The following COL15A1 variants were observed in gnomAD, a reference collection of about 807,000 sequenced individuals.
The protein encoded by COL15A1 is collagen alpha-1(XV) chain.
In COL15A1, 111 loss-of-function variants were observed where a neutral mutation model predicts 165.9. That is an observed-to-expected ratio of 0.67 (90% CI 0.57 to 0.78). The LOEUF (loss-of-function observed/expected upper bound fraction) is 0.78. COL15A1 is among the 30% of genes least tolerant of loss of function. The probability of loss-of-function intolerance (pLI) is 0.00; values close to 1 mark genes in which losing one functional copy is unlikely to be tolerated. For missense variants in COL15A1, 1,745 were observed against 1,789.7 expected (o/e 0.98, Z 0.45); for synonymous variants, 659 against 674.8 (o/e 0.98, Z 0.36).
At chr9:98,996,823 G>T in intron 5 of COL15A1, 111 bp from the exon 6 acceptor site, 1 of 1,498,304 alleles carries the variant, frequency 6.7e-7, no homozygotes, top group Non-Finnish European at 9.1e-7. Flanking sequence ...CTTTCCCCTT[G>T]GTTTATTCAG....
intron 21 of COL15A1, 120 bp downstream of exon 21, chr9:99,036,516 T>G: frequency 1.0e-6 from 1 of 962,014 alleles, no homozygotes; most frequent in South Asian, 1.6e-5. Context: ...CAGTGCCTGG[T>G]GTTAGAACTT....
chr9:98,995,299 A>G (rs1433272176), intron 5 of COL15A1, among the ~76,000 whole-genome samples: 1 of 151,902 alleles, frequency 6.6e-6, no homozygotes, highest in Non-Finnish European at 1.5e-5. Flanking sequence ...GTCTGCTCCC[A>G]CTGCTGCCCT....
At position 98,980,745 on chromosome 9, in the gene COL15A1, T is replaced by C. The variant is rs570092153; in HGVS notation, c.101-4820T>C. Among the ~76,000 whole-genome samples, 8 of 152,368 alleles carry C rather than the reference T, an allele frequency of 5.3e-5. No homozygotes were observed. The South Asian group carries it at 1.4e-3, about 28-fold the overall frequency. ...TTCATAAAAATTGTATGAAATATTT[T>C]CCATGAAATTTGCTATAAAGAAAAA... On this transcript the variant is annotated intron_variant, in intron 2 of 41. Transcript: ENST00000375001.
chr9:98,992,639 G>A (rs112479635), intron 5 of COL15A1, among the ~76,000 whole-genome samples: 19 of 152,384 alleles, frequency 1.2e-4, no homozygotes, highest in African/African-American at 3.1e-4. Flanking sequence ...AGCGAGGGCC[G>A]CCAGCACGTT....
At chr9:98,944,526 G>C (rs770192792) in intron 2 of COL15A1, among the ~76,000 whole-genome samples, 4 of 152,196 alleles carry the variant, frequency 2.6e-5, no homozygotes, top group Non-Finnish European at 4.4e-5. Flanking sequence ...CTTAGGCAGA[G>C]AGGGACTTCA....
intron 7 of COL15A1, among the ~76,000 whole-genome samples, chr9:99,001,925 T>C (rs1447740034): frequency 6.6e-6 from 1 of 152,204 alleles, no homozygotes; most frequent in Non-Finnish European, 1.5e-5. Context: ...TTGTAACTTC[T>C]GCCCGGGCTT....
At chr9:99,007,559 G>T (rs1262826056) in intron 9 of COL15A1, among the ~76,000 whole-genome samples, 3 of 152,152 alleles carry the variant, frequency 2.0e-5, no homozygotes, top group Non-Finnish European at 4.4e-5. Flanking sequence ...TTATCAGGCT[G>T]TGAAGTCTCA....
At chr9:99,047,743 G>A (rs1312368930) in intron 26 of COL15A1, 43 bp from the exon 27 acceptor site, 1 of 1,606,538 alleles carries the variant, frequency 6.2e-7, no homozygotes, top group Non-Finnish European at 8.5e-7. Context: ...CCTGAACCAA[G>A]ACTTTCTGTT....
chr9:99,055,344 C>G lies in COL15A1; in HGVS notation c.3164C>G (p.Pro1055Arg). Residue 1055 changes from proline (P) to arginine (R), a missense_variant, in exon 34 of 42, where the codon CCA becomes CGA. By Grantham distance (103) the Pro-to-Arg change is moderately radical (BLOSUM62 -2). Transcript: ENST00000375001. ...GGCAGCTTCCTTATGTCTGGGCCTC[C>G]AGGCCTGCCCGGAAATCCAGGCCCG... The part of the protein sequence containing the change: ...INGSFLMSGP[P>R]GLPGNPGPAG... 1 of 1,613,484 alleles carries G rather than the reference C, an allele frequency of 6.2e-7. No individual in the cohort carries two copies. The highest frequency in any genetic ancestry group is 8.5e-7 in the Non-Finnish European group (1 of 1,179,400).
rs532016014 is a variant in COL15A1, at chr9:99,003,239, G to A, written c.1066-214G>A. Among the ~76,000 whole-genome samples the A allele has an allele frequency of 2.6e-5, 4 of 152,376 alleles. No homozygotes were observed. In the East Asian group the frequency reaches 5.8e-4, roughly 22 times the overall value. On this transcript the variant is annotated intron_variant, in intron 7 of 41. Coordinates refer to ENST00000375001, the MANE Select transcript of COL15A1 (RefSeq NM_001855.5). ...CAGTGATTTCCGTGTTAATGGAGGTGCAAACCAATACTGGGAATCAAACAC... is the reference window on the plus strand; with the variant it reads ...CAGTGATTTCCGTGTTAATGGAGGTACAAACCAATACTGGGAATCAAACAC...
chr9:99,006,892 G>A (rs2118964095), intron 9 of COL15A1, among the ~76,000 whole-genome samples: 1 of 152,344 alleles, frequency 6.6e-6, no homozygotes, highest in South Asian at 2.1e-4. Context: ...TTTGAAACAA[G>A]TCTCAGTCAA....
Position 99,044,584 on chromosome 9 carries a change from C to T in COL15A1, c.2591C>T (p.Pro864Leu), listed in dbSNP as rs140219439. The T allele has an allele frequency of 6.5e-5, 105 of 1,614,026 alleles. No homozygotes were observed. Among genetic ancestry groups the T allele is most frequent in the East Asian group, 1.3e-4 (6 of 44,868 alleles). ...LKGEQGEKGE[P>L]GAILTEDIPL... ...GAATTGCAGGGCGAGAAGGGAGAGCCGGGTGCCATCCTGACAGAGGACATT... is the reference window on the plus strand; with the variant it reads ...GAATTGCAGGGCGAGAAGGGAGAGCTGGGTGCCATCCTGACAGAGGACATT... The change falls in exon 25 of 42, where the codon CCG becomes CTG. Residue 864 changes from proline to leucine, a missense_variant. Transcript: ENST00000375001.
chr9:98,975,078 C>T (rs572216982), intron 2 of COL15A1, among the ~76,000 whole-genome samples: 6 of 152,342 alleles, frequency 3.9e-5, no homozygotes, highest in African/African-American at 1.2e-4. Flanking sequence ...GCGCAGTTCC[C>T]GTAGAGACCG....
intron 2 of COL15A1, among the ~76,000 whole-genome samples, chr9:98,974,791 G>T (rs1382124912): frequency 1.3e-5 from 2 of 152,208 alleles, no homozygotes; most frequent in Non-Finnish European, 2.9e-5. Flanking sequence ...CCGTGGCCCC[G>T]TTTAAGCTGA....
intron 2 of COL15A1, among the ~76,000 whole-genome samples, chr9:98,981,146 A>C (rs1838230524): frequency 1.3e-5 from 2 of 152,144 alleles, no homozygotes; most frequent in Admixed American, 1.3e-4. Flanking sequence ...TATACCATAG[A>C]GTACTGTTGT....
chr9:98,965,848 T>A (rs1291635468), intron 2 of COL15A1, among the ~76,000 whole-genome samples: 2 of 152,184 alleles, frequency 1.3e-5, no homozygotes, highest in Non-Finnish European at 2.9e-5. Flanking sequence ...TGTTGGTGTC[T>A]GGTCCTTTTT....
At chr9:99,064,493 G>A (rs1226054501) in intron 39 of COL15A1, among the ~76,000 whole-genome samples, 6 of 152,194 alleles carry the variant, frequency 3.9e-5, no homozygotes, top group African/African-American at 1.4e-4. Context: ...CCCCACAGTG[G>A]GATCTTGGCT....
chr9:99,028,735 C>T (rs953001025), intron 16 of COL15A1, among the ~76,000 whole-genome samples: 1 of 152,094 alleles, frequency 6.6e-6, no homozygotes, highest in Non-Finnish European at 1.5e-5. Context: ...AGATTGGGTA[C>T]AGTATACACT....
At chr9:98,996,860 AG>A in intron 5 of COL15A1, 73 bp from the exon 6 acceptor site, 1 of 1,575,304 alleles carries the variant, frequency 6.3e-7, no homozygotes, top group Non-Finnish European at 8.7e-7. Context: ...TATTTTCTTC[AG>A]TGATATTCTC....
Sources: allele counts gnomAD v4.1 joint callset (sites outside exome capture counted in the v4.1 genomes callset), GRCh38; gene constraint gnomAD v4.1.1; transcripts MANE v1.5; gene names NCBI Gene and HGNC (gene_info 2026-07-23, HGNC 2026-07-21).